The following SEMA5A variants were observed in gnomAD, a reference collection of about 807,000 sequenced individuals.
SEMA5A encodes the protein semaphorin 5A, also known as semaphorin-5A.
Under a neutral mutation model 135.5 loss-of-function variants are expected in SEMA5A, and 55 were observed. That is an observed-to-expected ratio of 0.41 (90% CI 0.33 to 0.51). The LOEUF is 0.51. Among genes scored for constraint, SEMA5A ranks in the 20% least tolerant of loss-of-function variants. SEMA5A has a pLI of 0.37. For missense variants in SEMA5A, 1,290 were observed against 1,419.9 expected (o/e 0.91, Z 1.47); for synonymous variants, 580 against 546.5 (o/e 1.06, Z -0.85).
chr5:9,061,966 G>T (rs1414893355), intron 18 of SEMA5A, among the ~76,000 whole-genome samples: 1 of 152,052 alleles, frequency 6.6e-6, no homozygotes, highest in African/African-American at 2.4e-5. Flanking sequence ...GCCATGTGGG[G>T]GAGGGCTGGG....
chr5:9,340,304 G>A (rs1441262217), intron 3 of SEMA5A, among the ~76,000 whole-genome samples: 1 of 152,186 alleles, frequency 6.6e-6, no homozygotes, highest in Non-Finnish European at 1.5e-5. Context: ...CCAGAGCTGG[G>A]CTCACATCCA....
chr5:9,382,734 T>G (rs1298776305), intron 2 of SEMA5A, among the ~76,000 whole-genome samples: 1 of 152,130 alleles, frequency 6.6e-6, no homozygotes, highest in African/African-American at 2.4e-5. Flanking sequence ...ATGTATGAAT[T>G]TGCAAAGGAA....
chr5:9,092,866 T>C (rs934934268), intron 16 of SEMA5A, among the ~76,000 whole-genome samples: 2 of 152,206 alleles, frequency 1.3e-5, no homozygotes, highest in African/African-American at 2.4e-5. Flanking sequence ...ATACATTAAA[T>C]AACTAGGTTC....
At chr5:9,436,187 G>C (rs371754473) in intron 2 of SEMA5A, among the ~76,000 whole-genome samples, 5 of 152,070 alleles carry the variant, frequency 3.3e-5, no homozygotes, top group African/African-American at 1.2e-4. Flanking sequence ...TCAGCACAGG[G>C]CCTGACACAC....
chr5:9,086,559 T>A (rs1268392076), intron 16 of SEMA5A, among the ~76,000 whole-genome samples: 1 of 152,188 alleles, frequency 6.6e-6, no homozygotes, highest in Non-Finnish European at 1.5e-5. Flanking sequence ...CCACATGGAA[T>A]TGTAAGTCCA....
chr5:9,127,136 T>A (rs1741158856), intron 13 of SEMA5A, among the ~76,000 whole-genome samples: 1 of 152,158 alleles, frequency 6.6e-6, no homozygotes, highest in South Asian at 2.1e-4. Context: ...TAAAACAAAA[T>A]TACATAAAAC....
rs1038408380 is a variant in SEMA5A, at chr5:9,047,885, G to T, written c.2893+2525C>A. 9.2e-5 allele frequency among the ~76,000 whole-genome samples: 14 copies of T among 152,162 alleles called. 1 individual carries two copies. Among genetic ancestry groups the T allele is most frequent in the African/African-American group, 2.9e-4 (12 of 41,422 alleles). On this transcript the variant is annotated intron_variant, in intron 21 of 22. Coordinates refer to ENST00000382496, the MANE Select transcript of SEMA5A (RefSeq NM_003966.3). Reference sequence around the variant, plus strand: ...CAGACACACAGGAGTAGTATTTTAGGGTGGTGATGGGCTTTGCACCAGGTT... The same window carrying T: ...CAGACACACAGGAGTAGTATTTTAGTGTGGTGATGGGCTTTGCACCAGGTT...
intron 2 of SEMA5A, among the ~76,000 whole-genome samples, chr5:9,391,270 G>A (rs989091163): frequency 2.0e-5 from 3 of 152,184 alleles, no homozygotes; most frequent in East Asian, 1.9e-4. Context: ...AGCAAATGAC[G>A]CAATGGCTTT....
At chr5:9,381,426 T>C (rs1755602741) in intron 2 of SEMA5A, among the ~76,000 whole-genome samples, 1 of 152,216 alleles carries the variant, frequency 6.6e-6, no homozygotes, top group Non-Finnish European at 1.5e-5. Flanking sequence ...ACCTGGAATC[T>C]GGGTTGGCTC....
rs186110286 is a variant in SEMA5A at position 9,427,694 on chromosome 5, T to C, written c.-78+10062A>G. On this transcript the variant is annotated intron_variant, in intron 2 of 22. Coordinates refer to ENST00000382496, the MANE Select transcript of SEMA5A (RefSeq NM_003966.3). ...GGTGAGTGACTGTCCATACTGTGCGTGTGTGTATCCACAGTCACACATGTG... is the reference window on the plus strand; with the variant it reads ...GGTGAGTGACTGTCCATACTGTGCGCGTGTGTATCCACAGTCACACATGTG... 1.2e-4 allele frequency among the ~76,000 whole-genome samples: 19 copies of C among 152,342 alleles called. No homozygotes were observed. The East Asian group carries it at 3.7e-3, about 29-fold the overall frequency.
At chr5:9,499,546 A>G (rs984620513) in intron 1 of SEMA5A, among the ~76,000 whole-genome samples, 9 of 152,220 alleles carry the variant, frequency 5.9e-5, no homozygotes, top group African/African-American at 2.2e-4. Flanking sequence ...TCAAAGTAAC[A>G]TTATCAGTCA....
intron 8 of SEMA5A, among the ~76,000 whole-genome samples, chr5:9,221,360 T>G (rs917723179): frequency 6.9e-6 from 1 of 144,374 alleles, no homozygotes; most frequent in Admixed American, 7.3e-5. Context: ...TGGAGTGCAG[T>G]GGCGCGATCT....
At chr5:9,122,984 G>A (rs1187613396) in intron 13 of SEMA5A, 147 bp from the exon 14 acceptor site, 8 of 688,118 alleles carry the variant, frequency 1.2e-5, no homozygotes, top group Admixed American at 3.4e-5. Flanking sequence ...GGCCAGGCGC[G>A]GTGGTTCACG....
At chr5:9,146,524 TA>T (rs1436738297) in intron 12 of SEMA5A, among the ~76,000 whole-genome samples, 3 of 152,190 alleles carry the variant, frequency 2.0e-5, no homozygotes, top group African/African-American at 4.8e-5. Context: ...GATATAGCTT[TA>T]AAAAATAATT....
chr5:9,182,978 AT>A (rs1744605424), intron 11 of SEMA5A, among the ~76,000 whole-genome samples: 1 of 152,212 alleles, frequency 6.6e-6, no homozygotes, highest in Non-Finnish European at 1.5e-5. Flanking sequence ...CATATTAGCT[AT>A]CCCTGCCTGC....
At chr5:9,303,419 T>G (rs918807281) in intron 5 of SEMA5A, among the ~76,000 whole-genome samples, 5 of 152,188 alleles carry the variant, frequency 3.3e-5, no homozygotes, top group Non-Finnish European at 7.3e-5. Context: ...AACTTGAGGA[T>G]AGATTCAAAG....
intron 4 of SEMA5A, among the ~76,000 whole-genome samples, chr5:9,320,105 T>A (rs576491184): frequency 5.6e-4 from 85 of 152,216 alleles, no homozygotes; most frequent in African/African-American, 2.0e-3. Flanking sequence ...ACAGTTTGCC[T>A]CCTCACATGG....
intron 4 of SEMA5A, among the ~76,000 whole-genome samples, chr5:9,319,094 C>A (rs187075001): frequency 6.6e-6 from 1 of 152,108 alleles, no homozygotes; most frequent in Admixed American, 6.6e-5. Context: ...GTCCCAGCTA[C>A]TCAGGAGGCT....
chr5:9,372,371 G>A (rs190698991), intron 3 of SEMA5A, among the ~76,000 whole-genome samples: 31 of 151,294 alleles, frequency 2.0e-4, no homozygotes, highest in Admixed American at 1.5e-3. Flanking sequence ...TGGGACACGC[G>A]TGGAGCCATG....
Sources: allele counts gnomAD v4.1 joint callset (sites outside exome capture counted in the v4.1 genomes callset), GRCh38; gene constraint gnomAD v4.1.1; transcripts MANE v1.5; gene names NCBI Gene and HGNC (gene_info 2026-07-23, HGNC 2026-07-21).